The following DIAPH2 variants were observed in gnomAD, a reference collection of about 807,000 sequenced individuals.
The protein encoded by DIAPH2 is protein diaphanous homolog 2.
DIAPH2 carries 35 observed loss-of-function variants against 92.7 expected under a neutral mutation model. The ratio of observed to expected loss-of-function variants is 0.38; its 90% CI spans 0.29 to 0.50. The LOEUF (loss-of-function observed/expected upper bound fraction) is 0.50, where lower values mean the gene tolerates loss of function less well. Ranked by LOEUF, DIAPH2 falls within the 20% of genes least tolerant of loss-of-function variation. The pLI is 0.94. For missense variants in DIAPH2, 701 were observed against 819.5 expected (o/e 0.86, Z 1.77); for synonymous variants, 301 against 280.4 (o/e 1.07, Z -0.73).
chrX:97,363,502 C>T (rs1329781206), intron 24 of DIAPH2, among the ~76,000 whole-genome samples: 1 of 87,141 alleles, frequency 1.1e-5, no homozygotes, highest in African/African-American at 4.2e-5. Flanking sequence ...ACTAAAAATA[C>T]AAAAAAAAAA....
At chrX:97,240,605 C>CAAAAAAAAAAAAAAAAAAAAAAAA (rs774748522) in intron 22 of DIAPH2, among the ~76,000 whole-genome samples, 7 of 67,989 alleles carry the variant, frequency 1.0e-4, no homozygotes, top group African/African-American at 4.0e-4. Context: ...GACTGCATCT[C>CAAAAAAAAAAAAAAAAAAAAAAAA]AAAAAAAAAA....
chrX:97,388,429 G>T (rs899384046), intron 25 of DIAPH2, among the ~76,000 whole-genome samples: 1 of 111,785 alleles, frequency 8.9e-6, no homozygotes, highest in Non-Finnish European at 1.9e-5. Flanking sequence ...ATAGCTCACT[G>T]CAGCCTCAAA....
intron 25 of DIAPH2, among the ~76,000 whole-genome samples, chrX:97,399,512 G>A (rs993779233): frequency 6.3e-5 from 7 of 111,707 alleles, no homozygotes; most frequent in African/African-American, 1.3e-4. Context: ...TGGATTTTTC[G>A]AGTTGATACA....
At chrX:97,377,582 G>C (rs1408574651) in intron 24 of DIAPH2, among the ~76,000 whole-genome samples, 1 of 111,958 alleles carries the variant, frequency 8.9e-6, no homozygotes, top group Admixed American at 9.5e-5. Context: ...AGAAAAGAGG[G>C]TTAGCTCAGT....
At chrX:97,423,521 G>A (rs746752339) in intron 25 of DIAPH2, among the ~76,000 whole-genome samples, 3 of 111,833 alleles carry the variant, frequency 2.7e-5, no homozygotes, top group African/African-American at 9.8e-5. Flanking sequence ...AAATTAAGCA[G>A]CAGGCATTCG....
At chrX:96,876,050 C>T (rs942864802) in intron 4 of DIAPH2, among the ~76,000 whole-genome samples, 12 of 111,545 alleles carry the variant, frequency 1.1e-4, no homozygotes, top group African/African-American at 3.9e-4. Flanking sequence ...CTACAAAGAA[C>T]TCAAACAAAT....
intron 24 of DIAPH2, among the ~76,000 whole-genome samples, chrX:97,372,292 T>A: frequency 8.9e-6 from 1 of 112,515 alleles, no homozygotes; most frequent in Non-Finnish European, 1.9e-5. Context: ...CCAAGGAGAT[T>A]TGCACATAAC....
chrX:96,972,986 G>A (rs1432197183), intron 17 of DIAPH2, among the ~76,000 whole-genome samples: 2 of 111,097 alleles, frequency 1.8e-5, no homozygotes, highest in South Asian at 3.8e-4. Flanking sequence ...AATTGTCTAC[G>A]GATAGTCATT....
chrX:97,420,263 C>T (rs1041701651), intron 25 of DIAPH2, among the ~76,000 whole-genome samples: 3 of 111,619 alleles, frequency 2.7e-5, no homozygotes, highest in African/African-American at 9.8e-5. Flanking sequence ...AAATAACAAG[C>T]TTCTCTTTAA....
chrX:97,376,395 G>A (rs2069500804), intron 24 of DIAPH2, among the ~76,000 whole-genome samples: 1 of 111,753 alleles, frequency 8.9e-6, no homozygotes, highest in African/African-American at 3.3e-5. Context: ...CTTAGAGAGT[G>A]TGTGGGTGTT....
intron 24 of DIAPH2, among the ~76,000 whole-genome samples, chrX:97,360,069 G>T (rs1314442818): frequency 9.0e-6 from 1 of 111,676 alleles, no homozygotes; most frequent in African/African-American, 3.3e-5. Flanking sequence ...TGAAATGGAA[G>T]ATGCTCTATT....
chrX:97,121,169 G>A (rs1226258502), intron 21 of DIAPH2, among the ~76,000 whole-genome samples: 1 of 112,551 alleles, frequency 8.9e-6, no homozygotes, highest in Non-Finnish European at 1.9e-5. Flanking sequence ...ACTGATGCTT[G>A]TAGAAGCAAA....
intron 4 of DIAPH2, among the ~76,000 whole-genome samples, chrX:96,793,309 C>T (rs1176628944): frequency 9.0e-6 from 1 of 111,662 alleles, no homozygotes; most frequent in Non-Finnish European, 1.9e-5. Flanking sequence ...GCTGGGATTA[C>T]GGGCATGCGC....
chrX:96,981,326 G>A (rs1173901735), intron 17 of DIAPH2, among the ~76,000 whole-genome samples: 1 of 111,819 alleles, frequency 8.9e-6, no homozygotes, highest in Non-Finnish European at 1.9e-5. Context: ...AACAACTTTA[G>A]TGGGCTGACA....
chrX:97,466,970 A>G (rs2070518103), intron 26 of DIAPH2, among the ~76,000 whole-genome samples: 1 of 112,314 alleles, frequency 8.9e-6, no homozygotes, highest in Middle Eastern at 4.6e-3. Flanking sequence ...AGTATTGTGT[A>G]TATTTTTTCT....
At chrX:97,243,241 T>A (rs2147544328) in intron 22 of DIAPH2, among the ~76,000 whole-genome samples, 1 of 108,669 alleles carries the variant, frequency 9.2e-6, no homozygotes, top group African/African-American at 3.4e-5. Context: ...GCATTTTTTT[T>A]TTTTTTTTTG....
Position 96,757,829 on chromosome X carries a change from A to G in DIAPH2, c.343-325A>G, listed in dbSNP as rs1011221116. On this transcript the variant is annotated intron_variant, in intron 3 of 26. Coordinates refer to ENST00000324765, the MANE Select transcript of DIAPH2 (RefSeq NM_006729.5). ...GTGTATTTGCTATCAAGATAAATAAAGAGCTTTGTTAGCATAGATACCATG... is the reference window on the plus strand; with the variant it reads ...GTGTATTTGCTATCAAGATAAATAAGGAGCTTTGTTAGCATAGATACCATG... Among the ~76,000 whole-genome samples, 4 of 112,080 alleles carry G rather than the reference A, an allele frequency of 3.6e-5. No homozygotes were observed. In the East Asian group the frequency reaches 8.4e-4, roughly 23 times the overall value.
chrX:97,283,513 A>G (rs2068515499), intron 23 of DIAPH2, among the ~76,000 whole-genome samples: 1 of 112,193 alleles, frequency 8.9e-6, no homozygotes, highest in Admixed American at 9.5e-5. Context: ...TGGCTAATGA[A>G]TCTTTAAAGA....
chrX:97,064,321 T>C (rs765075649), intron 17 of DIAPH2, among the ~76,000 whole-genome samples: 1 of 111,524 alleles, frequency 9.0e-6, no homozygotes, highest in Non-Finnish European at 1.9e-5. Context: ...TAATGTTCTT[T>C]GGCTTTGGAT....
Sources: gnomAD v4.1 joint callset for allele counts (sites outside exome capture counted in the v4.1 genomes callset) on GRCh38, gnomAD v4.1.1 for gene constraint, MANE v1.5 for transcripts, NCBI Gene and HGNC (gene_info 2026-07-23, HGNC 2026-07-21) for gene names.